Variants in NRXN1 observed in about 807,000 individuals in gnomAD.
The protein encoded by NRXN1 is neurexin 1.
Under a neutral mutation model 150.9 loss-of-function variants are expected in NRXN1, and 39 were observed. The observed-to-expected ratio is 0.26, with a 90% CI of 0.20 to 0.34. The LOEUF (loss-of-function observed/expected upper bound fraction) is 0.34, where lower values mean the gene tolerates loss of function less well. Ranked by LOEUF, NRXN1 falls within the 10% of genes least tolerant of loss-of-function variation. The probability of loss-of-function intolerance (pLI) is 1.00; values close to 1 mark genes in which losing one functional copy is unlikely to be tolerated. For missense variants in NRXN1, 1,815 were observed against 1,949.9 expected (o/e 0.93, Z 1.30); for synonymous variants, 924 against 757.0 (o/e 1.22, Z -3.62).
intron 5 of NRXN1, among the ~76,000 whole-genome samples, chr2:50,887,487 AAAG>A (rs1307340074): frequency 1.3e-5 from 2 of 151,430 alleles, no homozygotes; most frequent in Non-Finnish European, 3.0e-5. Context: ...TCAGAGTGGG[AAAG>A]AAGTTGGAAA....
intron 18 of NRXN1, among the ~76,000 whole-genome samples, chr2:50,109,355 C>A (rs930752): frequency 0.23 from 35,376 of 151,708 alleles, 4,320 homozygotes; most frequent in East Asian, 0.3. Flanking sequence ...TTTTCAGTTG[C>A]CTTCTCAATT....
At chr2:50,155,718 A>G (rs746585907) in intron 18 of NRXN1, among the ~76,000 whole-genome samples, 4 of 151,634 alleles carry the variant, frequency 2.6e-5, no homozygotes, top group Non-Finnish European at 5.9e-5. Flanking sequence ...CTTTTTCCTT[A>G]TAACAGTGAA....
At chr2:50,711,289 T>A (rs1039594511) in intron 5 of NRXN1, among the ~76,000 whole-genome samples, 1 of 146,088 alleles carries the variant, frequency 6.8e-6, no homozygotes, top group Non-Finnish European at 1.5e-5. Context: ...TGCACTTTCA[T>A]CTGTTTAGGT....
chr2:50,463,637 C>T (rs2088487967), intron 17 of NRXN1, among the ~76,000 whole-genome samples: 1 of 151,728 alleles, frequency 6.6e-6, no homozygotes, highest in African/African-American at 2.4e-5. Flanking sequence ...CATTCGAAGA[C>T]AGCATGATAC....
chr2:49,985,163 G>A (rs1006553022), intron 21 of NRXN1, among the ~76,000 whole-genome samples: 4 of 152,014 alleles, frequency 2.6e-5, no homozygotes, highest in Admixed American at 1.3e-4. Context: ...TTTCCATAAG[G>A]TATCAATAAG....
chr2:50,310,761 A>G (rs1408523653), intron 17 of NRXN1, among the ~76,000 whole-genome samples: 2 of 152,158 alleles, frequency 1.3e-5, no homozygotes, highest in Non-Finnish European at 2.9e-5. Context: ...ATAATTAGAT[A>G]TGTTTATATC....
rs531634374 is a variant in NRXN1 at position 50,832,695 on chromosome 2, G to A, written c.832+89174C>T. On this transcript the variant is annotated intron_variant, in intron 5 of 22. Coordinates refer to ENST00000401669, the MANE Select transcript of NRXN1 (RefSeq NM_001330078.2). ...AAACAAACAAACAAAAAGACATAAC[G>A]AATAGCCAAAGTTGGAGCTCAATGC... Among the ~76,000 whole-genome samples, 13 of 152,096 alleles carry A rather than the reference G, an allele frequency of 8.5e-5. No homozygotes were observed. In the South Asian group the frequency reaches 1.5e-3, roughly 17 times the overall value.
chr2:51,010,705 T>C (rs1312566141), intron 2 of NRXN1, among the ~76,000 whole-genome samples: 1 of 151,960 alleles, frequency 6.6e-6, no homozygotes, highest in Non-Finnish European at 1.5e-5. Context: ...ACTATAATAA[T>C]ACACACTCCA....
intron 5 of NRXN1, among the ~76,000 whole-genome samples, chr2:50,761,462 G>A (rs966983686): frequency 2.0e-5 from 3 of 151,864 alleles, no homozygotes; most frequent in Admixed American, 6.6e-5. Flanking sequence ...TGTAAGATGC[G>A]CCTTTGCTCC....
At chr2:50,849,498 C>A (rs1674193785) in intron 5 of NRXN1, among the ~76,000 whole-genome samples, 1 of 152,196 alleles carries the variant, frequency 6.6e-6, no homozygotes, top group Non-Finnish European at 1.5e-5. Context: ...AATTAGCAAA[C>A]ACAGATGGCC....
chr2:50,222,303 A>T (rs925863855), intron 18 of NRXN1, among the ~76,000 whole-genome samples: 3 of 152,004 alleles, frequency 2.0e-5, no homozygotes, highest in African/African-American at 7.2e-5. Flanking sequence ...TTTCACCGCT[A>T]TACTAGTGTA....
At chr2:50,077,769 C>A (rs1035940705) in intron 19 of NRXN1, among the ~76,000 whole-genome samples, 3 of 152,012 alleles carry the variant, frequency 2.0e-5, no homozygotes, top group Admixed American at 6.6e-5. Context: ...TCTAGACAGG[C>A]TTATGTTAGA....
At chr2:50,163,480 T>C (rs969138395) in intron 18 of NRXN1, among the ~76,000 whole-genome samples, 4 of 152,130 alleles carry the variant, frequency 2.6e-5, no homozygotes, top group Admixed American at 1.3e-4. Context: ...CAAGGCTTTC[T>C]TTACTTTTGC....
At chr2:50,816,460 C>G (rs141716732) in intron 5 of NRXN1, among the ~76,000 whole-genome samples, 1 of 152,180 alleles carries the variant, frequency 6.6e-6, no homozygotes, top group African/African-American at 2.4e-5. Flanking sequence ...TTGAAGCTAT[C>G]TTGTGTGCTT....
At chr2:50,081,387 G>T (rs962261458) in intron 19 of NRXN1, among the ~76,000 whole-genome samples, 1 of 151,920 alleles carries the variant, frequency 6.6e-6, no homozygotes, top group Non-Finnish European at 1.5e-5. Context: ...GACCATCCTG[G>T]TCAACGTGGT....
chr2:50,617,567 G>A (rs369354087), intron 8 of NRXN1, among the ~76,000 whole-genome samples: 39 of 152,242 alleles, frequency 2.6e-4, no homozygotes, highest in African/African-American at 8.7e-4. Context: ...AAAAGTGACC[G>A]TGCTTCCTCA....
rs71404979 is a variant in NRXN1 at position 50,908,362 on chromosome 2, TACAC to T, written c.832+13503_832+13506del. 1.8e-3 allele frequency among the ~76,000 whole-genome samples: 262 copies of T among 148,224 alleles called. 2 individuals carry two copies. The highest frequency in any genetic ancestry group is 2.8e-3 in the Non-Finnish European group (189 of 66,466). On this transcript the variant is annotated intron_variant, in intron 5 of 22. Coordinates refer to ENST00000401669, the MANE Select transcript of NRXN1 (RefSeq NM_001330078.2). Reference sequence around the variant, plus strand: ...AAAAATACATACACACATTCACACATACACACACACACACACACACACAACCACA... The same window carrying T: ...AAAAATACATACACACATTCACACATACACACACACACACACACAACCACA...
chr2:50,203,811 T>C (rs2062364366), intron 18 of NRXN1, among the ~76,000 whole-genome samples: 1 of 152,194 alleles, frequency 6.6e-6, no homozygotes, highest in African/African-American at 2.4e-5. Flanking sequence ...TCTTCATTTT[T>C]TTCTTAGAGC....
At chr2:49,999,424 T>C (rs1249528641) in intron 21 of NRXN1, among the ~76,000 whole-genome samples, 1 of 152,174 alleles carries the variant, frequency 6.6e-6, no homozygotes, top group Non-Finnish European at 1.5e-5. Context: ...TATTTAGATA[T>C]AAGTCAAGTA....
Sources: gnomAD v4.1 joint callset for allele counts (sites outside exome capture counted in the v4.1 genomes callset) on GRCh38, gnomAD v4.1.1 for gene constraint, MANE v1.5 for transcripts, NCBI Gene and HGNC (gene_info 2026-07-23, HGNC 2026-07-21) for gene names.